Variants in UBXN6 observed in about 807,000 individuals in gnomAD.
UBXN6 encodes UBX domain-containing protein 6.
In UBXN6, 44 loss-of-function variants were observed where a neutral mutation model predicts 51.4. The ratio of observed to expected loss-of-function variants is 0.86; its 90% confidence interval spans 0.67 to 1.10. The LOEUF (loss-of-function observed/expected upper bound fraction) is 1.10. Ranked by LOEUF, UBXN6 falls within the 50% of genes least tolerant of loss-of-function variation. The pLI is 0.00. For missense variants in UBXN6, 672 were observed against 596.1 expected (o/e 1.13, Z -1.32); for synonymous variants, 316 against 263.2 (o/e 1.20, Z -1.94).
chr19:4,447,646 G>C lies in UBXN6; in HGVS notation c.540-21C>G. The C allele has an allele frequency of 1.9e-6, 3 of 1,613,436 alleles. 1 individual carries two copies. In the South Asian group the frequency reaches 3.3e-5, roughly 18 times the overall value. On this transcript the variant is annotated intron_variant, in intron 5 of 10. Coordinates refer to ENST00000301281, the MANE Select transcript of UBXN6 (RefSeq NM_025241.3). Reference sequence around the variant, plus strand: ...GGTACCTGGGGTAGGTGGAGAAGGTGAGTGGGGCACAGCCCAGGCTGCCCA... The same window carrying C: ...GGTACCTGGGGTAGGTGGAGAAGGTCAGTGGGGCACAGCCCAGGCTGCCCA...
At chr19:4,454,578 C>T (rs942591121) in intron 1 of UBXN6, among the ~76,000 whole-genome samples, 1 of 152,322 alleles carries the variant, frequency 6.6e-6, no homozygotes, top group East Asian at 1.9e-4. Flanking sequence ...CAAGCATCAT[C>T]ATGCCTGGCT....
At chr19:4,446,220 C>A in intron 9 of UBXN6, 23 bp from the exon 10 acceptor site, 1 of 1,584,998 alleles carries the variant, frequency 6.3e-7, no homozygotes, top group Non-Finnish European at 8.6e-7. Flanking sequence ...GGAGTCAGAG[C>A]GGGTGGGGCC....
At chr19:4,452,048 C>T (rs1974661502) in intron 4 of UBXN6, among the ~76,000 whole-genome samples, 2 of 150,794 alleles carry the variant, frequency 1.3e-5, no homozygotes, top group East Asian at 4.0e-4. Flanking sequence ...ACTTGAGAGG[C>T]TGAGGCACGA....
rs79703899 is a variant in UBXN6, at chr19:4,452,298, C to T, written c.441+66G>A. ...GAGGGATCTGTACCACCTGGGCTTC[C>T]GATGGAGGGTGGCTCAGGCACAGGA... On this transcript the variant is annotated intron_variant, in intron 4 of 10. Transcript: ENST00000301281. 156 of 1,583,918 alleles carry T rather than the reference C, an allele frequency of 9.8e-5. No homozygotes were observed. The East Asian group carries it at 2.5e-3, about 25-fold the overall frequency.
intron 3 of UBXN6, 21 bp from the exon 4 acceptor site, chr19:4,452,513 A>G (rs954002715): frequency 2.5e-6 from 4 of 1,605,002 alleles, no homozygotes; most frequent in Non-Finnish European, 3.4e-6. Flanking sequence ...GAAAGCGTCC[A>G]AGTCTGGACC....
rs376306553 is a variant in UBXN6 at position 4,446,035 on chromosome 19, G to A, written c.1200+14C>T. The A allele has an allele frequency of 6.2e-6, 10 of 1,602,194 alleles. No individual in the cohort carries two copies. Among genetic ancestry groups the A allele is most frequent in the African/African-American group, 4.0e-5 (3 of 74,740 alleles). ...GGCATCGGGTCAGCGGTGCTCCTGCGGGCCGACACTCACCAGCCCGCACTC... is the reference window on the plus strand; with the variant it reads ...GGCATCGGGTCAGCGGTGCTCCTGCAGGCCGACACTCACCAGCCCGCACTC... On this transcript the variant is annotated intron_variant, in intron 10 of 10. Transcript: ENST00000301281.
rs753672836 is a variant in UBXN6 at position 4,446,103 on chromosome 19, C to A, written c.1146G>T (p.Ser382=). The change falls in exon 10 of 11, where the codon TCG becomes TCT. Residue 382 remains serine, a synonymous_variant. Transcript: ENST00000301281. ...CGTCCTCGGACAGCTTCTGCCCTCC[C>A]GAGGCCAGCAGCTCAAAAGGCAGCC... ...SDWLPFELLA[S]GGQKLSEDEN... 11 of 1,612,772 alleles carry A rather than the reference C, an allele frequency of 6.8e-6. No individual in the cohort carries two copies. Among genetic ancestry groups the A allele is most frequent in the South Asian group, 1.1e-5 (1 of 91,084 alleles).
At chr19:4,447,523 G>C (rs763701564) in intron 6 of UBXN6, 27 bp downstream of exon 6, 3 of 1,612,102 alleles carry the variant, frequency 1.9e-6, no homozygotes, top group Non-Finnish European at 2.5e-6. Context: ...CCCAGCCTGG[G>C]CCCCGGGGGC....
At chr19:4,457,874 T>C (rs1412707651), upstream of UBXN6, 3 of 413,750 alleles carry the variant, frequency 7.3e-6, no homozygotes, top group East Asian at 1.6e-4. Flanking sequence ...CACGTGACAA[T>C]CGACTAGACG....
At position 4,445,591 on chromosome 19, in the gene UBXN6, G is replaced by A. The variant is rs746812859; in HGVS notation, c.1233C>T (p.Asp411=). The A allele has an allele frequency of 1.2e-6, 2 of 1,613,696 alleles. No individual in the cohort carries two copies. The highest frequency in any genetic ancestry group is 4.5e-5 in the East Asian group (2 of 44,882). Reference sequence around the variant, plus strand: ...CCTTGATGTCCTCCAGCACAGCCATGTCCCACGAGAAGGTCAGGAGGGCAG... The same window carrying A: ...CCTTGATGTCCTCCAGCACAGCCATATCCCACGAGAAGGTCAGGAGGGCAG... ...VPSALLTFSW[D]MAVLEDIKAA... Residue 411 remains aspartate (D), a synonymous_variant, in exon 11 of 11, where the codon GAC becomes GAT. Transcript: ENST00000301281.
chr19:4,446,775 G>A, intron 7 of UBXN6, 56 bp from the exon 8 acceptor site: 3 of 1,612,652 alleles, frequency 1.9e-6, no homozygotes, highest in Non-Finnish European at 1.7e-6. Context: ...CCCAAGCCGG[G>A]CCCTCCTGCC....
intron 5 of UBXN6, 39 bp from the exon 6 acceptor site, chr19:4,447,664 G>A: frequency 6.2e-7 from 1 of 1,607,932 alleles, no homozygotes; most frequent in Non-Finnish European, 8.5e-7. Flanking sequence ...CACAGCCCAG[G>A]CTGCCCACCC....
chr19:4,447,757 C>T (rs557404513), intron 5 of UBXN6, 132 bp from the exon 6 acceptor site: 16 of 877,452 alleles, frequency 1.8e-5, no homozygotes, highest in Admixed American at 3.9e-5. Flanking sequence ...GGCCCAGTGA[C>T]GCGAGGGCAG....
At chr19:4,455,402 A>G (rs1974726877) in intron 1 of UBXN6, 5 of 574,390 alleles carry the variant, frequency 8.7e-6, no homozygotes, top group Non-Finnish European at 1.1e-5. Context: ...GAGATGACTC[A>G]TGAAGACCCA....
chr19:4,452,222 G>A (rs1266835597), intron 4 of UBXN6, 142 bp downstream of exon 4: 1 of 1,170,774 alleles, frequency 8.5e-7, no homozygotes, highest in Non-Finnish European at 1.2e-6. Flanking sequence ...CCTGGATTTG[G>A]GGTATCAGAG....
At chr19:4,452,600 C>T (rs189848059) in intron 3 of UBXN6, 108 bp from the exon 4 acceptor site, 135 of 1,398,214 alleles carry the variant, frequency 9.7e-5, no homozygotes, top group Non-Finnish European at 1.2e-4. Context: ...ATCTCCAGCC[C>T]CCATGCTGTC....
intron 4 of UBXN6, 79 bp downstream of exon 4, chr19:4,452,285 C>T: frequency 1.3e-6 from 2 of 1,570,672 alleles, no homozygotes; most frequent in Non-Finnish European, 8.6e-7. Context: ...GGGATCTGTA[C>T]CACCTGGGCT....
rs139717823 is a variant in UBXN6 at position 4,446,515 on chromosome 19, C to G, written c.905G>C (p.Arg302Pro). 1.0e-4 allele frequency: 166 copies of G among 1,610,194 alleles called. 1 individual carries two copies. In the African/African-American group the frequency reaches 2.0e-3, roughly 19 times the overall value. The change falls in exon 8 of 11, where the codon CGG becomes CCG. Residue 302 changes from arginine to proline, a missense_variant. Physicochemically the swap from Arg to Pro is moderately radical, Grantham distance 103. Coordinates refer to ENST00000301281, the MANE Select transcript of UBXN6 (RefSeq NM_025241.3). ...TCAGGCCCACCTGAGCCTCTGCTCC[C>G]GCTTGATCTCCTCTGCTGTGAGGTT... Reference protein sequence around the residue: ...FFNLTAEEIKREQRLRSEAVE... With the variant: ...FFNLTAEEIKPEQRLRSEAVE...
At chr19:4,445,998 A>G (rs760510578) in intron 10 of UBXN6, 51 bp downstream of exon 10, 3 of 1,549,738 alleles carry the variant, frequency 1.9e-6, no homozygotes, top group Non-Finnish European at 2.6e-6. Flanking sequence ...CGGTCCCAGG[A>G]GAACCTGCAG....
Sources: gnomAD v4.1 joint callset for allele counts (sites outside exome capture counted in the v4.1 genomes callset) on GRCh38, gnomAD v4.1.1 for gene constraint, MANE v1.5 for transcripts, NCBI Gene and HGNC (gene_info 2026-07-23, HGNC 2026-07-21) for gene names.